USP24: variants seen among roughly 807,000 people sequenced by gnomAD.
The protein encoded by USP24 is ubiquitin carboxyl-terminal hydrolase 24.
A neutral mutation model predicts 361.6 loss-of-function variants in USP24; 97 were observed. The ratio of observed to expected loss-of-function variants is 0.27; its 90% CI spans 0.23 to 0.32. The LOEUF is 0.32. Among genes scored for constraint, USP24 ranks in the 10% least tolerant of loss-of-function variants. USP24 has a pLI of 1.00. For synonymous variants in USP24, 1,098 were observed against 1,124.6 expected (o/e 0.98, Z 0.47); for missense variants, 2,353 against 3,165.6 (o/e 0.74, Z 6.16).
In USP24 at chr1:55,143,084, G is replaced by A; in HGVS notation, c.2475C>T (p.Phe825=). 6.5e-7 allele frequency: 1 copy of A among 1,528,978 alleles called. No individual in the cohort carries two copies. The allele number at this position is 1,528,978 out of a possible 1,614,324, so 94.7% of individuals were successfully genotyped here. ...VEKLELIGMD[F]IWKIAMESPD... ...GTGATTCCATGGCTATTTTCCAAAT[G>A]AAATCCATTCCTATCAATTCCAGCT... Residue 825 remains phenylalanine (F), a synonymous_variant, in exon 22 of 68, where the codon TTC becomes TTT. Coordinates refer to ENST00000294383, the MANE Select transcript of USP24 (RefSeq NM_015306.3).
At chr1:55,144,881 C>A (rs143610697) in intron 20 of USP24, among the ~76,000 whole-genome samples, 1,942 of 152,190 alleles carry the variant, frequency 0.013, 36 homozygotes, top group African/African-American at 0.044. Flanking sequence ...TTGCAGTGAG[C>A]CAGGATGGTG....
chr1:55,192,855 A>C lies in USP24; in HGVS notation c.325-14723T>G, dbSNP rs570111086. 3.9e-5 allele frequency among the ~76,000 whole-genome samples: 6 copies of C among 152,344 alleles called. No homozygotes were observed. The South Asian group carries it at 1.0e-3, about 26-fold the overall frequency. On this transcript the variant is annotated intron_variant, in intron 1 of 67. Transcript: ENST00000294383. ...GTCTGCAAATGTTTTCCTGGAATGC[A>C]TCTTCATTCCATGTTATGAGTAGTA...
intron 35 of USP24, 119 bp from the exon 36 acceptor site, chr1:55,123,721 A>G: frequency 9.9e-7 from 1 of 1,013,088 alleles, no homozygotes; most frequent in Non-Finnish European, 1.3e-6. Flanking sequence ...GAAAGCACTT[A>G]GGTCCAAGAA....
intron 49 of USP24, 37 bp downstream of exon 49, chr1:55,096,915 C>G: frequency 6.3e-7 from 1 of 1,594,416 alleles, no homozygotes; most frequent in Non-Finnish European, 8.6e-7. Flanking sequence ...CAGGGGAGGG[C>G]AGAAAGTGAG....
rs1445439305 is a variant in USP24, at chr1:55,145,907, T to C, written c.2362+91A>G. The C allele has an allele frequency of 5.6e-6, 5 of 893,884 alleles. No homozygotes were observed. In the Admixed American group the frequency reaches 8.8e-5, roughly 16 times the overall value. The allele number at this position is 893,884 out of a possible 1,614,324, so 55.4% of individuals were successfully genotyped here. ...TAGAAGGATATTCCTAACTGTTTAGTTGCTTCTGAGAAGGAGGATTAAAAG... is the reference window on the plus strand; with the variant it reads ...TAGAAGGATATTCCTAACTGTTTAGCTGCTTCTGAGAAGGAGGATTAAAAG... On this transcript the variant is annotated intron_variant, in intron 20 of 67. Transcript: ENST00000294383.
At chr1:55,083,649 A>C (rs1645194814) in intron 57 of USP24, 123 bp downstream of exon 57, 2 of 799,196 alleles carry the variant, frequency 2.5e-6, no homozygotes, top group South Asian at 4.0e-5. Flanking sequence ...TATAATTCAC[A>C]AGATTTTTAG....
rs374577875 is a variant in USP24 at position 55,090,953 on chromosome 1, C to T, written c.6554+1070G>A. Among the ~76,000 whole-genome samples the T allele has an allele frequency of 9.1e-4, 138 of 152,190 alleles. 4 individuals are homozygous for T. The South Asian group carries it at 0.027, about 30-fold the overall frequency. ...TACAAAAATTTGCCGGGTGTGGTGG[C>T]GCACGCCCATAGTCCAGCTACTTGG... On this transcript the variant is annotated intron_variant, in intron 54 of 67. Coordinates refer to ENST00000294383, the MANE Select transcript of USP24 (RefSeq NM_015306.3).
chr1:55,095,528 T>A, intron 50 of USP24, 132 bp from the exon 51 acceptor site: 1 of 994,130 alleles, frequency 1.0e-6, no homozygotes, highest in Non-Finnish European at 1.4e-6. Context: ...AAAGTATAAG[T>A]AAAATGTGAG....
intron 36 of USP24, 124 bp downstream of exon 36, chr1:55,123,323 G>T (rs538963246): frequency 3.5e-6 from 4 of 1,140,394 alleles, no homozygotes; most frequent in East Asian, 2.7e-5. Context: ...TACGCCACAT[G>T]CCAACTTCCC....
rs577392485 is a variant in USP24, at chr1:55,169,403, A to G, written c.825+2153T>C. Among the ~76,000 whole-genome samples, 59 of 152,262 alleles carry G rather than the reference A, an allele frequency of 3.9e-4. No individual in the cohort carries two copies. The South Asian group carries it at 6.4e-3, about 17-fold the overall frequency. On this transcript the variant is annotated intron_variant, in intron 5 of 67. Transcript: ENST00000294383. Reference sequence around the variant, plus strand: ...GAGAGACTAATGGGGAAGAGGGAATATTTTAAAAGATAAAGGCTGAGAAAT... The same window carrying G: ...GAGAGACTAATGGGGAAGAGGGAATGTTTTAAAAGATAAAGGCTGAGAAAT...
At chr1:55,122,638 G>A (rs1204622942) in intron 36 of USP24, among the ~76,000 whole-genome samples, 1 of 152,154 alleles carries the variant, frequency 6.6e-6, no homozygotes, top group Non-Finnish European at 1.5e-5. Flanking sequence ...ACAGTGAAAG[G>A]GGTGTTAAGG....
chr1:55,199,703 T>C (rs1157239025), intron 1 of USP24, among the ~76,000 whole-genome samples: 2 of 152,026 alleles, frequency 1.3e-5, no homozygotes, highest in Non-Finnish European at 2.9e-5. Context: ...AGGTGAAGGG[T>C]ATACAAGTGT....
At chr1:55,144,022 CA>C (rs1557629176) in intron 21 of USP24, 104 bp downstream of exon 21, 10 of 939,042 alleles carry the variant, frequency 1.1e-5, no homozygotes, top group South Asian at 4.2e-5. Context: ...TGTTCTTTAC[CA>C]AAAAAATCCA....
intron 50 of USP24, 149 bp downstream of exon 50, chr1:55,096,349 A>G (rs76844953): frequency 0.031 from 21,120 of 680,766 alleles, 377 homozygotes; most frequent in Non-Finnish European, 0.034. Flanking sequence ...TTTGGTTATT[A>G]AAGAGCTTGC....
intron 36 of USP24, among the ~76,000 whole-genome samples, chr1:55,122,658 T>C (rs901627212): frequency 2.0e-5 from 3 of 151,862 alleles, no homozygotes; most frequent in Non-Finnish European, 2.9e-5. Context: ...GGGTAGAATC[T>C]AGAGAGGGCT....
chr1:55,069,250 T>C, intron 67 of USP24, 143 bp from the exon 68 acceptor site: 2 of 732,246 alleles, frequency 2.7e-6, no homozygotes, highest in Non-Finnish European at 4.6e-6. Flanking sequence ...TGATAACTAT[T>C]ACATCTAATA....
intron 30 of USP24, among the ~76,000 whole-genome samples, 155 bp from the exon 31 acceptor site, chr1:55,132,855 C>T (rs1038065591): frequency 6.6e-5 from 10 of 152,132 alleles, no homozygotes; most frequent in South Asian, 2.1e-4. Context: ...CACATCACTC[C>T]GTAACTATTA....
chr1:55,072,745 G>T, intron 65 of USP24, 41 bp downstream of exon 65: 1 of 1,538,856 alleles, frequency 6.5e-7, no homozygotes, highest in South Asian at 1.2e-5. Context: ...TGCTATTATT[G>T]ATTCCTATGT....
intron 36 of USP24, among the ~76,000 whole-genome samples, chr1:55,121,747 T>C (rs1015049249): frequency 3.3e-5 from 5 of 152,240 alleles, no homozygotes; most frequent in Admixed American, 2.6e-4. Flanking sequence ...GCCTTGCACA[T>C]ACCAGTTACA....
Sources: allele counts gnomAD v4.1 joint callset (sites outside exome capture counted in the v4.1 genomes callset), GRCh38; gene constraint gnomAD v4.1.1; transcripts MANE v1.5; gene names NCBI Gene and HGNC (gene_info 2026-07-23, HGNC 2026-07-21).